Variants in NCOA1 observed in about 807,000 individuals in gnomAD.
NCOA1 encodes the protein nuclear receptor coactivator 1.
NCOA1 carries 35 observed loss-of-function variants against 150.9 expected under a neutral mutation model. The ratio of observed to expected loss-of-function variants is 0.23; its 90% CI spans 0.18 to 0.31. The LOEUF is 0.31. Among genes scored for constraint, NCOA1 ranks in the 10% least tolerant of loss-of-function variants. NCOA1 has a pLI of 1.00. For synonymous variants in NCOA1, 590 were observed against 630.0 expected (o/e 0.94, Z 0.95); for missense variants, 1,491 against 1,749.3 (o/e 0.85, Z 2.63).
intron 20 of NCOA1, among the ~76,000 whole-genome samples, chr2:24,757,041 T>C (rs965758964): frequency 6.6e-6 from 1 of 152,250 alleles, no homozygotes; most frequent in African/African-American, 2.4e-5. Flanking sequence ...CATTTGGTTG[T>C]ATACATCTGG....
chr2:24,636,587 T>TA (rs201370891), intron 3 of NCOA1, among the ~76,000 whole-genome samples: 1,988 of 152,268 alleles, frequency 0.013, 24 homozygotes, highest in Non-Finnish European at 0.016. Context: ...CTTTCTAACC[T>TA]AACTTTTATT....
chr2:24,723,271 G>A (rs1184868633), intron 14 of NCOA1, among the ~76,000 whole-genome samples: 1 of 152,074 alleles, frequency 6.6e-6, no homozygotes, highest in African/African-American at 2.4e-5. Context: ...ATGTCATTCT[G>A]TATCAGTGCA....
At chr2:24,736,233 A>G (rs1663294670) in intron 17 of NCOA1, among the ~76,000 whole-genome samples, 1 of 150,050 alleles carries the variant, frequency 6.7e-6, no homozygotes, top group Non-Finnish European at 1.5e-5. Context: ...AAAAAAAAAA[A>G]AAAAGAAAAA....
chr2:24,541,667 G>A (rs1665403688), intron 1 of NCOA1, among the ~76,000 whole-genome samples: 2 of 152,102 alleles, frequency 1.3e-5, no homozygotes, highest in Admixed American at 6.6e-5. Context: ...ACATAAAGGG[G>A]AAATTATCTG....
At chr2:24,492,207 C>T (rs1426090428) in intron 1 of NCOA1, 6 of 151,988 alleles carry the variant, frequency 3.9e-5, no homozygotes, top group Non-Finnish European at 8.8e-5. Flanking sequence ...GGGATGGATA[C>T]TGGACATGTT....
intron 7 of NCOA1, among the ~76,000 whole-genome samples, chr2:24,675,018 C>G (rs992467162): frequency 6.6e-6 from 1 of 152,188 alleles, no homozygotes; most frequent in Non-Finnish European, 1.5e-5. Context: ...TCACAGTGTT[C>G]TTTCTCTACC....
rs1275781024 is a variant in NCOA1 at position 24,718,868 on chromosome 2, C to CA, written c.2600-7707dup. 1.7e-3 allele frequency among the ~76,000 whole-genome samples: 198 copies of CA among 113,886 alleles called. 1 individual carries two copies. The highest frequency in any genetic ancestry group is 5.1e-3 in the Middle Eastern group (1 of 198). 74.7% of individuals were successfully genotyped at this position (113,886 alleles called of 152,430 possible). A position where few individuals can be genotyped will look rare whatever the true frequency, so the allele number is the denominator to read the frequency against. ...TGGGCGACAGAATGAGACTCTGTCT[C>CA]AAAAAAAAAAAAAAGCCAGGTGTGG... On this transcript the variant is annotated intron_variant, in intron 14 of 22. Transcript: ENST00000348332.
intron 17 of NCOA1, among the ~76,000 whole-genome samples, chr2:24,733,635 T>C (rs1318008725): frequency 6.6e-6 from 1 of 152,052 alleles, no homozygotes; most frequent in Admixed American, 6.5e-5. Flanking sequence ...TCCCAGTTAC[T>C]GGGGAGGCTG....
intron 7 of NCOA1, among the ~76,000 whole-genome samples, chr2:24,676,779 G>T (rs1572577460): frequency 6.6e-6 from 1 of 152,060 alleles, no homozygotes; most frequent in East Asian, 1.9e-4. Context: ...TTTTAAGAAA[G>T]AACCAAACTG....
intron 1 of NCOA1, among the ~76,000 whole-genome samples, chr2:24,493,386 A>G (rs1387194576): frequency 6.6e-6 from 1 of 152,234 alleles, no homozygotes; most frequent in African/African-American, 2.4e-5. Flanking sequence ...GCTGCTTATA[A>G]GAACAGGTGT....
intron 7 of NCOA1, among the ~76,000 whole-genome samples, chr2:24,679,229 C>T (rs181943852): frequency 6.6e-6 from 1 of 152,274 alleles, no homozygotes; most frequent in Admixed American, 6.5e-5. Flanking sequence ...GTATGCAGTA[C>T]AACATAAAAC....
chr2:24,682,500 C>T (rs1324408038), intron 7 of NCOA1, among the ~76,000 whole-genome samples: 1 of 152,170 alleles, frequency 6.6e-6, no homozygotes, highest in Admixed American at 6.5e-5. Flanking sequence ...CATCTCAGTG[C>T]ATAGGAAGCC....
chr2:24,757,938 A>G lies in NCOA1; in HGVS notation c.3882-35A>G, dbSNP rs201421440. 50 of 1,606,744 alleles carry G rather than the reference A, an allele frequency of 3.1e-5. No individual in the cohort carries two copies. In the Admixed American group the frequency reaches 6.3e-4, roughly 20 times the overall value. The stretch of plus-strand genomic sequence containing the variant: ...GTCATATATCCCCTTGTTCATGATC[A>G]GTGGATGTAATCTGGATTGTTTTTG... On this transcript the variant is annotated intron_variant, in intron 20 of 22. Transcript: ENST00000348332.
At chr2:24,582,850 G>A (rs951595142) in intron 2 of NCOA1, among the ~76,000 whole-genome samples, 3 of 152,048 alleles carry the variant, frequency 2.0e-5, no homozygotes, top group Non-Finnish European at 2.9e-5. Context: ...ACATACATTC[G>A]GGAAAAGACA....
intron 3 of NCOA1, among the ~76,000 whole-genome samples, chr2:24,628,796 G>A (rs182295895): frequency 1.3e-5 from 2 of 152,288 alleles, no homozygotes; most frequent in Admixed American, 6.5e-5. Flanking sequence ...CTTAGAGTAA[G>A]GAAGAAAGAT....
At chr2:24,730,000 C>G (rs1196613111) in intron 17 of NCOA1, among the ~76,000 whole-genome samples, 185 bp downstream of exon 17, 1 of 152,138 alleles carries the variant, frequency 6.6e-6, no homozygotes, top group Non-Finnish European at 1.5e-5. Flanking sequence ...TGTGTGCCAC[C>G]ACTCCCAGGT....
intron 1 of NCOA1, among the ~76,000 whole-genome samples, chr2:24,501,298 A>G (rs117489134): frequency 6.6e-6 from 1 of 152,206 alleles, no homozygotes; most frequent in African/African-American, 2.4e-5. Context: ...TAAAATAGTT[A>G]TATCTCATAA....
At chr2:24,597,777 CTCTT>C (rs1667939649) in intron 3 of NCOA1, among the ~76,000 whole-genome samples, 1 of 152,058 alleles carries the variant, frequency 6.6e-6, no homozygotes, top group African/African-American at 2.4e-5. Flanking sequence ...AAATGTGAAT[CTCTT>C]TTTTTTTATT....
At chr2:24,613,047 G>A (rs1335573645) in intron 3 of NCOA1, among the ~76,000 whole-genome samples, 2 of 151,894 alleles carry the variant, frequency 1.3e-5, no homozygotes, top group African/African-American at 4.8e-5. Context: ...CATGCAGGTA[G>A]GATTTTTTTC....
Sources: allele counts gnomAD v4.1 joint callset (sites outside exome capture counted in the v4.1 genomes callset), GRCh38; gene constraint gnomAD v4.1.1; transcripts MANE v1.5; gene names NCBI Gene and HGNC (gene_info 2026-07-23, HGNC 2026-07-21).